The following EEF2K variants were observed in gnomAD, a reference collection of about 807,000 sequenced individuals.
The protein encoded by EEF2K is alternative protein EEF2K.
A neutral mutation model predicts 93.8 loss-of-function variants in EEF2K; 70 were observed. The observed-to-expected ratio is 0.75, with a 90% CI of 0.62 to 0.91. The LOEUF is 0.91. Among genes scored for constraint, EEF2K ranks in the 40% least tolerant of loss-of-function variants. The pLI is 0.00. For synonymous variants in EEF2K, 376 were observed against 380.8 expected (o/e 0.99, Z 0.15); for missense variants, 935 against 972.9 (o/e 0.96, Z 0.52).
chr16:22,253,950 T>C (rs1335419032), intron 6 of EEF2K, among the ~76,000 whole-genome samples: 1 of 151,830 alleles, frequency 6.6e-6, no homozygotes, highest in Non-Finnish European at 1.5e-5. Context: ...AAATACAAAA[T>C]TAGCTGGGCA....
At chr16:22,261,701 AAAAG>A (rs1231833179) in intron 11 of EEF2K, among the ~76,000 whole-genome samples, 8 of 151,368 alleles carry the variant, frequency 5.3e-5, no homozygotes, top group East Asian at 2.0e-4. Context: ...AAAAAAAAAA[AAAAG>A]AAATACTTCT....
At chr16:22,210,059 T>C (rs1313568120) in intron 1 of EEF2K, among the ~76,000 whole-genome samples, 1 of 152,182 alleles carries the variant, frequency 6.6e-6, no homozygotes, top group Non-Finnish European at 1.5e-5. Flanking sequence ...CCTCCCAAAG[T>C]GTTAGGATCA....
rs748775190 is a variant in EEF2K, at chr16:22,264,879, G to A, written c.1439G>A (p.Arg480Gln). The change falls in exon 13 of 18, where the codon CGG becomes CAG. Residue 480 changes from arginine (R) to glutamine (Q), a missense_variant and splice_region_variant. Coordinates refer to ENST00000263026, the MANE Select transcript of EEF2K (RefSeq NM_013302.5). ...GAAGACAGCCTGGGCAGCTCTGGACGGGTAATGCGCCCTGAGGCACCCTTG... is the reference window on the plus strand; with the variant it reads ...GAAGACAGCCTGGGCAGCTCTGGACAGGTAATGCGCCCTGAGGCACCCTTG... ...SDEDSLGSSG[R>Q]VCVEKWNLLN... 21 of 1,613,806 alleles carry A rather than the reference G, an allele frequency of 1.3e-5. No homozygotes were observed. Among genetic ancestry groups the A allele is most frequent in the South Asian group, 3.3e-5 (3 of 91,070 alleles).
chr16:22,227,295 C>A (rs1379713169), intron 2 of EEF2K, among the ~76,000 whole-genome samples: 1 of 151,704 alleles, frequency 6.6e-6, no homozygotes, highest in Non-Finnish European at 1.5e-5. Flanking sequence ...GGGATCTCGG[C>A]TCACTGAAAC....
At position 22,278,068 on chromosome 16, in the gene EEF2K, G is replaced by A. The variant is rs532153967; in HGVS notation, c.1890-2130G>A. Among the ~76,000 whole-genome samples the A allele has an allele frequency of 1.3e-3, 205 of 152,150 alleles. 1 individual carries two copies. Among genetic ancestry groups the A allele is most frequent in the South Asian group, 3.1e-3 (15 of 4,824 alleles). ...AAAAAATTTTAAAAATTAGCCAGGC[G>A]TGGTGACATGCCCCTGTCATCCCAG... On this transcript the variant is annotated intron_variant, in intron 16 of 17. Coordinates refer to ENST00000263026, the MANE Select transcript of EEF2K (RefSeq NM_013302.5).
chr16:22,265,687 A>C lies in EEF2K; in HGVS notation c.1441-703A>C, dbSNP rs145582723. On this transcript the variant is annotated intron_variant, in intron 13 of 17. Transcript: ENST00000263026. Reference sequence around the variant, plus strand: ...CCTTGTTGAGGGGGCTACCCTGTGCATTGCAAGATGTTTAGCATGCAAACG... The same window carrying C: ...CCTTGTTGAGGGGGCTACCCTGTGCCTTGCAAGATGTTTAGCATGCAAACG... 1.1e-4 allele frequency among the ~76,000 whole-genome samples: 16 copies of C among 152,376 alleles called. No individual in the cohort carries two copies. In the East Asian group the frequency reaches 3.1e-3, roughly 29 times the overall value.
chr16:22,248,935 A>T, intron 4 of EEF2K, 120 bp downstream of exon 4: 12 of 801,756 alleles, frequency 1.5e-5, no homozygotes, highest in Non-Finnish European at 2.1e-5. Context: ...ACTTCGGGGG[A>T]TTCTTTGTTA....
Position 22,266,396 on chromosome 16 carries a change from G to A in EEF2K, c.1447G>A (p.Val483Ile), listed in dbSNP as rs113967917. 6.2e-7 allele frequency: 1 copy of A among 1,614,120 alleles called. No homozygotes were observed. Among genetic ancestry groups the A allele is most frequent in the Non-Finnish European group, 8.5e-7 (1 of 1,180,002 alleles). Reference sequence around the variant, plus strand: ...GCCGGTTCTTTCCCTTCAGGTATGTGTAGAGAAGTGGAATCTCCTCAACTC... The same window carrying A: ...GCCGGTTCTTTCCCTTCAGGTATGTATAGAGAAGTGGAATCTCCTCAACTC... ...DSLGSSGRVC[V>I]EKWNLLNSSR... Residue 483 changes from valine (V) to isoleucine (I), a missense_variant, in exon 14 of 18, where the codon GTA becomes ATA. Physicochemically the swap from Val to Ile is conservative, Grantham distance 29 (BLOSUM62 3). Transcript: ENST00000263026.
chr16:22,225,270 C>T (rs1014139356), intron 1 of EEF2K, among the ~76,000 whole-genome samples: 16 of 152,132 alleles, frequency 1.1e-4, no homozygotes, highest in Non-Finnish European at 1.9e-4. Flanking sequence ...GCTAGATGAA[C>T]GCAGCTCTTG....
At chr16:22,253,602 A>G (rs1224589188) in intron 6 of EEF2K, among the ~76,000 whole-genome samples, 1 of 151,146 alleles carries the variant, frequency 6.6e-6, no homozygotes, top group Non-Finnish European at 1.5e-5. Flanking sequence ...CAGCCAGCCC[A>G]TCTCAGACAA....
intron 1 of EEF2K, among the ~76,000 whole-genome samples, chr16:22,210,537 A>G (rs2142097714): frequency 6.6e-6 from 1 of 152,234 alleles, no homozygotes; most frequent in Non-Finnish European, 1.5e-5. Context: ...ATACTTTTAG[A>G]AGCGCTGGTT....
At chr16:22,215,037 G>A (rs1464770524) in intron 1 of EEF2K, among the ~76,000 whole-genome samples, 1 of 152,164 alleles carries the variant, frequency 6.6e-6, no homozygotes, top group Non-Finnish European at 1.5e-5. Context: ...AATGGCCTGG[G>A]ATCAGTCTGA....
chr16:22,285,569 C>T lies in EEF2K; in HGVS notation c.*1573C>T, dbSNP rs1244027609. The T allele has an allele frequency of 1.3e-5, 2 of 152,228 alleles. No homozygotes were observed. Among genetic ancestry groups the T allele is most frequent in the African/African-American group, 2.4e-5 (1 of 41,420 alleles). The allele number at this position is 152,228 out of a possible 1,614,324, so 9.4% of individuals were successfully genotyped here. ...CGGTGGCTCCCGCCTGTAATCTCAG[C>T]ACTTTGAGGAGGGCCAAGGTGGGAG... On this transcript the variant is annotated 3_prime_UTR_variant, in exon 18 of 18. Transcript: ENST00000263026.
rs751920714 is a variant in EEF2K at position 22,280,174 on chromosome 16, T to C, written c.1890-24T>C. The stretch of plus-strand genomic sequence containing the variant: ...CCCTGTTGCCATGGTAACCTCCACC[T>C]TTCCCTCTGTATCTCCTGGCAAGGT... On this transcript the variant is annotated intron_variant, in intron 16 of 17. Coordinates refer to ENST00000263026, the MANE Select transcript of EEF2K (RefSeq NM_013302.5). 5 of 1,448,200 alleles carry C rather than the reference T, an allele frequency of 3.5e-6. No individual in the cohort carries two copies. In the East Asian group the frequency reaches 1.3e-4, roughly 38 times the overall value. 89.7% of individuals were successfully genotyped at this position (1,448,200 alleles called of 1,614,324 possible).
chr16:22,256,209 T>C (rs1240511640), intron 6 of EEF2K, among the ~76,000 whole-genome samples: 1 of 152,182 alleles, frequency 6.6e-6, no homozygotes, highest in Non-Finnish European at 1.5e-5. Flanking sequence ...GTGATTCTCC[T>C]GCCTCAGCCT....
At chr16:22,267,145 G>A (rs1032319412) in intron 15 of EEF2K, among the ~76,000 whole-genome samples, 1 of 152,172 alleles carries the variant, frequency 6.6e-6, no homozygotes, top group Non-Finnish European at 1.5e-5. Flanking sequence ...GGAAGCAGAA[G>A]ACACCAGTGG....
At chr16:22,283,749 G>C (rs1224941233) in intron 17 of EEF2K, 138 bp from the exon 18 acceptor site, 7 of 790,070 alleles carry the variant, frequency 8.9e-6, no homozygotes, top group Non-Finnish European at 1.2e-5. Context: ...GGAACACCTG[G>C]AGGGAGAGGG....
At chr16:22,271,716 CAAG>C (rs1334830494) in intron 15 of EEF2K, among the ~76,000 whole-genome samples, 2 of 151,100 alleles carry the variant, frequency 1.3e-5, no homozygotes, top group Admixed American at 6.6e-5. Context: ...AAAAAAAAAA[CAAG>C]AAAAAATAAT....
chr16:22,286,544 C>T lies in EEF2K; in HGVS notation c.*2548C>T, dbSNP rs2047755048. The T allele has an allele frequency of 6.6e-6, 1 of 152,218 alleles. No individual in the cohort carries two copies. Among genetic ancestry groups the T allele is most frequent in the African/African-American group, 2.4e-5 (1 of 41,454 alleles). The allele number at this position is 152,218 out of a possible 1,614,324, so 9.4% of individuals were successfully genotyped here. A position where few individuals can be genotyped will look rare whatever the true frequency, so the allele number is the denominator to read the frequency against. The stretch of plus-strand genomic sequence containing the variant: ...TATAGCCTCTGCTGCAAATGCTCAG[C>T]CCTGCTGTTGTAATGTAAAAGCTGC... On this transcript the variant is annotated 3_prime_UTR_variant, in exon 18 of 18. Transcript: ENST00000263026.
Sources: allele counts gnomAD v4.1 joint callset (sites outside exome capture counted in the v4.1 genomes callset), GRCh38; gene constraint gnomAD v4.1.1; transcripts MANE v1.5; gene names NCBI Gene and HGNC (gene_info 2026-07-23, HGNC 2026-07-21).